The following SLC24A2 variants were observed in gnomAD, a reference collection of about 807,000 sequenced individuals.
SLC24A2 encodes sodium/potassium/calcium exchanger 2.
Under a neutral mutation model 62.0 loss-of-function variants are expected in SLC24A2, and 36 were observed. The ratio of observed to expected loss-of-function variants is 0.58; its 90% CI spans 0.44 to 0.77. The LOEUF (loss-of-function observed/expected upper bound fraction) is 0.77, where lower values mean the gene tolerates loss of function less well. Among genes scored for constraint, SLC24A2 ranks in the 30% least tolerant of loss-of-function variants. The probability of loss-of-function intolerance (pLI) is 0.00; values close to 1 mark genes in which losing one functional copy is unlikely to be tolerated. For missense variants in SLC24A2, 846 were observed against 817.9 expected, an observed-to-expected ratio of 1.03 and a Z score of -0.42; for synonymous variants, 358 against 294.0, an observed-to-expected ratio of 1.22 and a Z score of -2.23.
chr9:20,124,306 TAA>T, the SLC24A2 span, among the ~76,000 whole-genome samples: 7 of 140,440 alleles, frequency 5.0e-5, no homozygotes, highest in South Asian at 6.6e-4. Flanking sequence ...CCCAAAAGCT[TAA>T]AAAAAAAAAA....
At chr9:19,567,225 C>T (rs1278469313) in intron 7 of SLC24A2, among the ~76,000 whole-genome samples, 1 of 150,028 alleles carries the variant, frequency 6.7e-6, no homozygotes, top group Non-Finnish European at 1.5e-5. Flanking sequence ...AAACACTTTG[C>T]CATCATACTA....
the SLC24A2 span, among the ~76,000 whole-genome samples, chr9:19,937,096 A>G: frequency 6.6e-6 from 1 of 152,192 alleles, no homozygotes; most frequent in African/African-American, 2.4e-5. Flanking sequence ...CTAAAAACAC[A>G]TACCGCATTG....
the SLC24A2 span, among the ~76,000 whole-genome samples, chr9:20,142,210 G>C: frequency 2.6e-5 from 4 of 152,112 alleles, no homozygotes; most frequent in Non-Finnish European, 5.9e-5. Context: ...GAAGAGTTCT[G>C]CAGGAAAGAA....
intron 2 of SLC24A2, among the ~76,000 whole-genome samples, chr9:19,766,350 G>C (rs1383984693): frequency 6.6e-6 from 1 of 152,200 alleles, no homozygotes; most frequent in Non-Finnish European, 1.5e-5. Flanking sequence ...CTGGTGAGGA[G>C]TTGTGATCCT....
chr9:20,228,937 C>T, the SLC24A2 span, among the ~76,000 whole-genome samples: 1 of 152,022 alleles, frequency 6.6e-6, no homozygotes, highest in African/African-American at 2.4e-5. Context: ...GTCCTAAAGG[C>T]CACCAAGAAG....
the SLC24A2 span, among the ~76,000 whole-genome samples, chr9:19,941,357 C>A: frequency 0.11 from 17,047 of 152,206 alleles, 1,235 homozygotes; most frequent in Non-Finnish European, 0.16. Flanking sequence ...GAGCTGACTC[C>A]AAGCTTGATG....
the SLC24A2 span, among the ~76,000 whole-genome samples, chr9:19,839,594 G>C: frequency 6.6e-6 from 1 of 151,972 alleles, no homozygotes; most frequent in South Asian, 2.1e-4. Flanking sequence ...AATTACAATC[G>C]TTTGAAGTAA....
rs1819928916 is a variant in SLC24A2 at position 19,687,826 on chromosome 9, C to T, written c.931-65527G>A. Among the ~76,000 whole-genome samples the T allele has an allele frequency of 2.0e-5, 3 of 152,184 alleles. No homozygotes were observed. In the South Asian group the frequency reaches 6.2e-4, roughly 32 times the overall value. On this transcript the variant is annotated intron_variant, in intron 2 of 10. Transcript: ENST00000341998. ...TAATTTGGGTGACAAATGCTCCAGT[C>T]AGGTGCTGTGACCCCTCAGGATCCA...
At chr9:19,984,254 C>A in the SLC24A2 span, among the ~76,000 whole-genome samples, 1 of 151,658 alleles carries the variant, frequency 6.6e-6, no homozygotes, top group East Asian at 1.9e-4. Flanking sequence ...CTCAAATTCA[C>A]GTAGAATTGC....
At chr9:19,777,499 T>G (rs958429042) in intron 2 of SLC24A2, among the ~76,000 whole-genome samples, 2 of 152,172 alleles carry the variant, frequency 1.3e-5, no homozygotes, top group African/African-American at 2.4e-5. Context: ...AATATTGCAA[T>G]AAATGGCAAC....
intron 2 of SLC24A2, among the ~76,000 whole-genome samples, chr9:19,777,161 G>C (rs1368876862): frequency 6.6e-6 from 1 of 152,190 alleles, no homozygotes; most frequent in African/African-American, 2.4e-5. Flanking sequence ...AGATCTTTGT[G>C]TGAGTCATCA....
chr9:20,273,630 G>A, the SLC24A2 span, among the ~76,000 whole-genome samples: 4 of 152,070 alleles, frequency 2.6e-5, no homozygotes, highest in African/African-American at 9.7e-5. Flanking sequence ...GCTCCTCCTT[G>A]CCTTCCACCA....
At chr9:19,605,823 T>C (rs1265851408) in intron 4 of SLC24A2, among the ~76,000 whole-genome samples, 1 of 152,242 alleles carries the variant, frequency 6.6e-6, no homozygotes, top group Admixed American at 6.5e-5. Context: ...ATCTTTCCTA[T>C]TTTACAAAGG....
At chr9:20,302,591 G>A in the SLC24A2 span, among the ~76,000 whole-genome samples, 2 of 152,102 alleles carry the variant, frequency 1.3e-5, no homozygotes, top group African/African-American at 4.8e-5. Context: ...TCATATTTTG[G>A]TGTTGAGTTT....
the SLC24A2 span, among the ~76,000 whole-genome samples, chr9:20,074,373 T>C: frequency 1.4e-4 from 21 of 152,082 alleles, no homozygotes; most frequent in African/African-American, 3.9e-4. Context: ...CATTGCTCAA[T>C]GCACACATAC....
chr9:20,268,816 C>A, the SLC24A2 span, among the ~76,000 whole-genome samples: 2 of 152,172 alleles, frequency 1.3e-5, no homozygotes, highest in African/African-American at 4.8e-5. Context: ...TTGTCCCAGA[C>A]TCATTGCAGG....
chr9:19,735,896 T>C (rs987462237), intron 2 of SLC24A2, among the ~76,000 whole-genome samples: 10 of 151,762 alleles, frequency 6.6e-5, no homozygotes, highest in African/African-American at 2.4e-4. Flanking sequence ...TTAGGAGATA[T>C]ACCTAATGTA....
intron 2 of SLC24A2, among the ~76,000 whole-genome samples, chr9:19,766,879 G>A (rs1822532838): frequency 6.6e-6 from 1 of 152,188 alleles, no homozygotes; most frequent in Admixed American, 6.5e-5. Context: ...TAAGTCTGCT[G>A]AAGCTACGCC....
the SLC24A2 span, among the ~76,000 whole-genome samples, chr9:20,197,468 G>C: frequency 1.9e-5 from 2 of 104,954 alleles, no homozygotes; most frequent in East Asian, 6.0e-4. Flanking sequence ...GTCTCACTCT[G>C]TTACCCAGGC....
Sources: gnomAD v4.1 joint callset for allele counts (sites outside exome capture counted in the v4.1 genomes callset) on GRCh38, gnomAD v4.1.1 for gene constraint, MANE v1.5 for transcripts, NCBI Gene and HGNC (gene_info 2026-07-23, HGNC 2026-07-21) for gene names.